RSRC1: variants seen among roughly 807,000 people sequenced by gnomAD.
RSRC1 encodes the protein serine/Arginine-related protein 53.
Under a neutral mutation model 49.1 loss-of-function variants are expected in RSRC1, and 39 were observed. That is an observed-to-expected ratio of 0.79 (90% CI 0.61 to 1.04). The LOEUF (loss-of-function observed/expected upper bound fraction) is 1.04, where lower values mean the gene tolerates loss of function less well. Ranked by LOEUF, RSRC1 falls within the 50% of genes least tolerant of loss-of-function variation. The pLI, the probability that RSRC1 is intolerant of heterozygous loss-of-function variation, is 0.00. For synonymous variants in RSRC1, 143 were observed against 130.8 expected, an observed-to-expected ratio of 1.09 and a Z score of -0.63; for missense variants, 388 against 402.4, an observed-to-expected ratio of 0.96 and a Z score of 0.31.
At chr3:158,205,819 A>G (rs1416213542) in intron 4 of RSRC1, among the ~76,000 whole-genome samples, 1 of 152,132 alleles carries the variant, frequency 6.6e-6, no homozygotes, top group Non-Finnish European at 1.5e-5. Context: ...ATAGCTGATG[A>G]GCTAAAAAAA....
At chr3:158,233,113 A>G (rs1723056766) in intron 4 of RSRC1, among the ~76,000 whole-genome samples, 3 of 152,124 alleles carry the variant, frequency 2.0e-5, no homozygotes, top group Admixed American at 2.0e-4. Flanking sequence ...AAAGACACAA[A>G]CTGACTGTTG....
chr3:158,488,716 G>T (rs894824588), intron 7 of RSRC1, among the ~76,000 whole-genome samples: 1 of 152,142 alleles, frequency 6.6e-6, no homozygotes, highest in African/African-American at 2.4e-5. Flanking sequence ...ATTAAACTCT[G>T]CTGTTAAATG....
intron 1 of RSRC1, among the ~76,000 whole-genome samples, chr3:158,118,462 T>TGCGCGCGC (rs1378375739): frequency 4.2e-4 from 53 of 124,706 alleles, no homozygotes; most frequent in East Asian, 7.9e-4. Context: ...TGTGTGTGTG[T>TGCGCGCGC]GCGCGTGCGC....
At chr3:158,403,537 A>G (rs1452036255) in intron 6 of RSRC1, among the ~76,000 whole-genome samples, 2 of 151,830 alleles carry the variant, frequency 1.3e-5, no homozygotes, top group Non-Finnish European at 3.0e-5. Context: ...TATTTTAATC[A>G]GAAGTAAAAT....
At chr3:158,492,726 A>G (rs889615455) in intron 7 of RSRC1, among the ~76,000 whole-genome samples, 2 of 152,156 alleles carry the variant, frequency 1.3e-5, no homozygotes, top group South Asian at 4.1e-4. Context: ...ATTTAAATTA[A>G]GTCATAAAAT....
intron 5 of RSRC1, among the ~76,000 whole-genome samples, chr3:158,317,311 C>T (rs1057094031): frequency 6.6e-6 from 1 of 152,138 alleles, no homozygotes; most frequent in Non-Finnish European, 1.5e-5. Flanking sequence ...TCACTGCAAA[C>T]TCTGCCTTGT....
At chr3:158,497,122 A>G (rs964369145) in intron 7 of RSRC1, among the ~76,000 whole-genome samples, 18 of 152,262 alleles carry the variant, frequency 1.2e-4, no homozygotes, top group Non-Finnish European at 2.2e-4. Flanking sequence ...AGTGTTATGT[A>G]TATTCACACT....
intron 6 of RSRC1, among the ~76,000 whole-genome samples, chr3:158,429,135 T>C (rs1735628127): frequency 6.6e-6 from 1 of 151,882 alleles, no homozygotes; most frequent in South Asian, 2.1e-4. Context: ...AGCTGGTACT[T>C]TCAGCCCTTC....
At chr3:158,146,457 C>A (rs1717123827) in intron 3 of RSRC1, among the ~76,000 whole-genome samples, 1 of 152,112 alleles carries the variant, frequency 6.6e-6, no homozygotes, top group African/African-American at 2.4e-5. Context: ...GTTGAACCAG[C>A]CTTGCATCCC....
chr3:158,171,545 A>G (rs1718882742), intron 3 of RSRC1, among the ~76,000 whole-genome samples: 1 of 152,150 alleles, frequency 6.6e-6, no homozygotes, highest in Non-Finnish European at 1.5e-5. Context: ...TATAACCTGT[A>G]AAAAAGAACC....
chr3:158,293,172 A>G (rs1324450897), intron 4 of RSRC1, among the ~76,000 whole-genome samples: 1 of 152,142 alleles, frequency 6.6e-6, no homozygotes, highest in African/African-American at 2.4e-5. Flanking sequence ...CCTTCCAGAT[A>G]TAAATGAAAA....
chr3:158,440,304 C>G lies in RSRC1; in HGVS notation c.584-20631C>G, dbSNP rs547249012. Among the ~76,000 whole-genome samples, 3 of 151,984 alleles carry G rather than the reference C, an allele frequency of 2.0e-5. No individual in the cohort carries two copies. In the East Asian group the frequency reaches 5.8e-4, roughly 30 times the overall value. On this transcript the variant is annotated intron_variant, in intron 6 of 9. Coordinates refer to ENST00000611884, the MANE Select transcript of RSRC1 (RefSeq NM_001271838.2). Reference sequence around the variant, plus strand: ...GTCATGCTAAGGAAAATGAGATTTTCTGATTGTTCTTAGAGAGCCCTTTCT... The same window carrying G: ...GTCATGCTAAGGAAAATGAGATTTTGTGATTGTTCTTAGAGAGCCCTTTCT...
At chr3:158,392,656 C>T (rs776458554) in intron 6 of RSRC1, among the ~76,000 whole-genome samples, 10 of 152,064 alleles carry the variant, frequency 6.6e-5, no homozygotes, top group Non-Finnish European at 1.2e-4. Flanking sequence ...GCACCAAACA[C>T]AGGAGGACCC....
At position 158,160,222 on chromosome 3, in the gene RSRC1, G is replaced by C. The variant is rs528744151; in HGVS notation, c.320+36231G>C. 3.9e-5 allele frequency among the ~76,000 whole-genome samples: 6 copies of C among 152,162 alleles called. No individual in the cohort carries two copies. In the East Asian group the frequency reaches 1.2e-3, roughly 29 times the overall value. On this transcript the variant is annotated intron_variant, in intron 3 of 9. Transcript: ENST00000611884. ...GTCTGTGTCTCTGACCTTTCCTGAA[G>C]GCGCTGTTTTTTAAAGAAATCTTCA... is the stretch of plus-strand genomic sequence containing the variant.
At position 158,543,328 on chromosome 3, in the gene RSRC1, C is replaced by T. The variant is rs1384074733; in HGVS notation, c.760-7C>T. On this transcript the variant is annotated splice_region_variant and splice_polypyrimidine_tract_variant and intron_variant, in intron 8 of 9. Transcript: ENST00000611884. Reference sequence around the variant, plus strand: ...GTGTTGAAATTAATATGTGTTGTTTCTTTCAGTCAGTGGAACCTAGTGAAG... The same window carrying T: ...GTGTTGAAATTAATATGTGTTGTTTTTTTCAGTCAGTGGAACCTAGTGAAG... 1.3e-6 allele frequency: 2 copies of T among 1,538,496 alleles called. No homozygotes were observed. Among genetic ancestry groups the T allele is most frequent in the Non-Finnish European group, 8.7e-7 (1 of 1,148,502 alleles).
At chr3:158,455,708 G>A (rs548037737) in intron 6 of RSRC1, among the ~76,000 whole-genome samples, 4 of 151,958 alleles carry the variant, frequency 2.6e-5, no homozygotes, top group Admixed American at 6.6e-5. Context: ...GGCCTGGTGC[G>A]GTGGCTTACG....
chr3:158,251,013 A>G (rs1095637), intron 4 of RSRC1, among the ~76,000 whole-genome samples: 68,348 of 151,924 alleles, frequency 0.45, 15,716 homozygotes, highest in East Asian at 0.64. Flanking sequence ...TGGTTTTTGT[A>G]TATGGTGAGA....
At chr3:158,374,686 C>G (rs1284460548) in intron 6 of RSRC1, among the ~76,000 whole-genome samples, 2 of 152,060 alleles carry the variant, frequency 1.3e-5, no homozygotes, top group African/African-American at 2.4e-5. Flanking sequence ...TTATACATGT[C>G]TAATGTTTTC....
chr3:158,170,814 TTC>T (rs1718839153), intron 3 of RSRC1, among the ~76,000 whole-genome samples: 4 of 152,142 alleles, frequency 2.6e-5, no homozygotes, highest in Admixed American at 2.6e-4. Flanking sequence ...TTCCCATCTT[TTC>T]TCCCCAGCCC....
Sources: allele counts gnomAD v4.1 joint callset (sites outside exome capture counted in the v4.1 genomes callset), GRCh38; gene constraint gnomAD v4.1.1; transcripts MANE v1.5; gene names NCBI Gene and HGNC (gene_info 2026-07-23, HGNC 2026-07-21).